Variants in FNDC3B observed in about 807,000 individuals in gnomAD.
The protein encoded by FNDC3B is fibronectin type III domain containing 3B, also known as fibronectin type III domain-containing protein 3B.
FNDC3B carries 12 observed loss-of-function variants against 151.5 expected under a neutral mutation model. That is an observed-to-expected ratio of 0.08 (90% confidence interval 0.05 to 0.13). FNDC3B has a LOEUF of 0.13. Among genes scored for constraint, FNDC3B ranks in the 10% least tolerant of loss-of-function variants. The pLI is 1.00. For synonymous variants in FNDC3B, 528 were observed against 549.0 expected (o/e 0.96, Z 0.54); for missense variants, 1,214 against 1,505.3 (o/e 0.81, Z 3.20).
rs763700991 is a variant in FNDC3B at position 172,251,365 on chromosome 3, G to T, written c.614G>T (p.Arg205Leu). The change falls in exon 6 of 26, where the codon CGC becomes CTC. Residue 205 changes from arginine to leucine, a missense_variant. Around this residue, in one of 7 missense-constraint regions of FNDC3B, gnomAD observed 166 missense variants for 173.2 expected, o/e 0.96. Transcript: ENST00000415807. ...GACCGCCAGATCGATCGCCAGAACC[G>T]CCTCAACAGCCCTCCTTCTTCTATC... ...LKDRQIDRQN[R>L]LNSPPSSIYK... is the part of the protein sequence containing the mutation. The T allele has an allele frequency of 1.2e-6, 2 of 1,613,882 alleles. No homozygotes were observed. Among genetic ancestry groups the T allele is most frequent in the African/African-American group, 1.3e-5 (1 of 74,854 alleles).
chr3:172,372,943 T>C (rs2108359363), intron 23 of FNDC3B, among the ~76,000 whole-genome samples: 1 of 152,330 alleles, frequency 6.6e-6, no homozygotes, highest in South Asian at 2.1e-4. Context: ...GGGTGAATGA[T>C]GTGGCAGTAA....
At chr3:172,145,448 C>T (rs1252418972) in intron 3 of FNDC3B, among the ~76,000 whole-genome samples, 5 of 152,130 alleles carry the variant, frequency 3.3e-5, no homozygotes, top group African/African-American at 9.7e-5. Context: ...AGTGGGTATA[C>T]GCATACACTT....
chr3:172,244,376 T>C (rs1270255036), intron 4 of FNDC3B, among the ~76,000 whole-genome samples: 1 of 152,174 alleles, frequency 6.6e-6, no homozygotes, highest in Non-Finnish European at 1.5e-5. Context: ...AATATATTTA[T>C]TTATGAGCCA....
Position 172,344,161 on chromosome 3 carries a change from C to G in FNDC3B, c.2153C>G (p.Ser718Trp). 6.2e-7 allele frequency: 1 copy of G among 1,614,140 alleles called. No homozygotes were observed. The change falls in exon 19 of 26, where the codon TCG becomes TGG. Residue 718 changes from serine (S) to tryptophan (W), a missense_variant. By Grantham distance (177) the Ser-to-Trp change is radical. Around this residue, in one of 7 missense-constraint regions of FNDC3B, gnomAD observed 380 missense variants for 420.9 expected, o/e 0.90. Coordinates refer to ENST00000415807, the MANE Select transcript of FNDC3B (RefSeq NM_022763.4). ...VEMTEPEDVASEVYHGPELEC... is the reference protein window; with the variant it reads ...VEMTEPEDVAWEVYHGPELEC... Reference sequence around the variant, plus strand: ...ATGACGGAGCCCGAAGACGTAGCCTCGGAAGTGTACCATGGCCCAGAGCTG... The same window carrying G: ...ATGACGGAGCCCGAAGACGTAGCCTGGGAAGTGTACCATGGCCCAGAGCTG...
intron 25 of FNDC3B, among the ~76,000 whole-genome samples, chr3:172,385,651 C>T (rs1198308477): frequency 2.6e-5 from 4 of 151,814 alleles, no homozygotes; most frequent in South Asian, 2.1e-4. Flanking sequence ...GTCTGCCTCC[C>T]GGGTTCACGC....
chr3:172,059,578 A>G (rs1447262946), intron 1 of FNDC3B, among the ~76,000 whole-genome samples: 1 of 152,204 alleles, frequency 6.6e-6, no homozygotes, highest in Non-Finnish European at 1.5e-5. Context: ...GGCCTCTGTT[A>G]TAGATTGTCT....
chr3:172,305,596 A>G (rs1328268107), intron 9 of FNDC3B, among the ~76,000 whole-genome samples: 1 of 152,222 alleles, frequency 6.6e-6, no homozygotes, highest in South Asian at 2.1e-4. Flanking sequence ...TTAGGAATGC[A>G]TGGTGTCTGG....
chr3:172,343,860 T>A (rs1320130292), intron 18 of FNDC3B, among the ~76,000 whole-genome samples: 1 of 152,224 alleles, frequency 6.6e-6, no homozygotes, highest in African/African-American at 2.4e-5. Flanking sequence ...ATTTTATCAA[T>A]GTAATTAAAT....
At chr3:172,394,239 G>A (rs1008019068) in intron 25 of FNDC3B, among the ~76,000 whole-genome samples, 1 of 151,644 alleles carries the variant, frequency 6.6e-6, no homozygotes, top group South Asian at 2.1e-4. Flanking sequence ...CACGGAACTG[G>A]GGGGAGGGAG....
intron 25 of FNDC3B, among the ~76,000 whole-genome samples, chr3:172,381,628 A>G (rs948732597): frequency 2.4e-4 from 20 of 83,864 alleles, no homozygotes; most frequent in Non-Finnish European, 4.6e-4. Context: ...CTTGCCCCCC[A>G]CCCCCTGACA....
intron 1 of FNDC3B, among the ~76,000 whole-genome samples, chr3:172,047,922 G>T (rs1716441791): frequency 6.6e-6 from 1 of 152,134 alleles, no homozygotes; most frequent in Non-Finnish European, 1.5e-5. Context: ...CATCATTATT[G>T]CTTTTAGCTT....
chr3:172,063,915 G>T (rs761402435), intron 1 of FNDC3B, among the ~76,000 whole-genome samples: 6 of 152,106 alleles, frequency 3.9e-5, no homozygotes, highest in Non-Finnish European at 7.4e-5. Flanking sequence ...GTGTTAAGAG[G>T]TGGGGCCTTT....
chr3:172,193,729 G>A (rs1362419959), intron 3 of FNDC3B, among the ~76,000 whole-genome samples: 1 of 151,962 alleles, frequency 6.6e-6, no homozygotes, highest in Admixed American at 6.6e-5. Flanking sequence ...ACCTGTATTT[G>A]ATGTCTAGAA....
intron 1 of FNDC3B, among the ~76,000 whole-genome samples, chr3:172,067,848 GGT>G (rs1717578402): frequency 6.6e-6 from 1 of 152,178 alleles, no homozygotes; most frequent in African/African-American, 2.4e-5. Flanking sequence ...ACTTATTATA[GGT>G]GTTTCCTTCT....
At chr3:172,063,231 G>A (rs980499990) in intron 1 of FNDC3B, among the ~76,000 whole-genome samples, 1 of 152,002 alleles carries the variant, frequency 6.6e-6, no homozygotes, top group Non-Finnish European at 1.5e-5. Context: ...ATTCTTTGCT[G>A]TTTACTTCAT....
intron 1 of FNDC3B, among the ~76,000 whole-genome samples, chr3:172,066,974 T>C (rs1012654309): frequency 2.0e-5 from 3 of 152,198 alleles, no homozygotes; most frequent in Non-Finnish European, 4.4e-5. Context: ...ATACACAATA[T>C]TCTCTTATTG....
rs1237645584 is a variant in FNDC3B, at chr3:172,399,394, A to G, written c.*1919A>G. On this transcript the variant is annotated 3_prime_UTR_variant, in exon 26 of 26. Transcript: ENST00000415807. Reference sequence around the variant, plus strand: ...AAGAGCATCTAGTGCATTAAATGCCAAAAAAAAAATACATTATCAGTGATT... The same window carrying G: ...AAGAGCATCTAGTGCATTAAATGCCGAAAAAAAAATACATTATCAGTGATT... 6.8e-6 allele frequency: 1 copy of G among 146,172 alleles called. No homozygotes were observed. Among genetic ancestry groups the G allele is most frequent in the Admixed American group, 6.8e-5 (1 of 14,800 alleles). The allele number at this position is 146,172 out of a possible 1,614,324, so 9.1% of individuals were successfully genotyped here. A position where few individuals can be genotyped will look rare whatever the true frequency, so the allele number is the denominator to read the frequency against.
intron 6 of FNDC3B, among the ~76,000 whole-genome samples, chr3:172,276,050 T>C (rs1160417653): frequency 2.0e-5 from 3 of 152,232 alleles, no homozygotes; most frequent in Non-Finnish European, 4.4e-5. Flanking sequence ...TGTTTCTGCT[T>C]TCTGGAAGAT....
At chr3:172,224,489 G>A (rs549725553) in intron 3 of FNDC3B, among the ~76,000 whole-genome samples, 2 of 152,284 alleles carry the variant, frequency 1.3e-5, no homozygotes, top group East Asian at 1.9e-4. Flanking sequence ...TGAACGGTTG[G>A]CATTTGGAAT....
Sources: allele counts gnomAD v4.1 joint callset (sites outside exome capture counted in the v4.1 genomes callset), GRCh38; gene constraint gnomAD v4.1.1; regional missense constraint gnomAD v4.1.1; transcripts MANE v1.5; gene names NCBI Gene and HGNC (gene_info 2026-07-23, HGNC 2026-07-21).